SYT14: variants seen among roughly 807,000 people sequenced by gnomAD.
SYT14 encodes the protein synaptotagmin-14.
Under a neutral mutation model 74.2 loss-of-function variants are expected in SYT14, and 32 were observed. The ratio of observed to expected loss-of-function variants is 0.43; its 90% CI spans 0.33 to 0.58. SYT14 has a LOEUF of 0.58. Among genes scored for constraint, SYT14 ranks in the 20% least tolerant of loss-of-function variants. The pLI, the probability that SYT14 is intolerant of heterozygous loss-of-function variation, is 0.05. For missense variants in SYT14, 791 were observed against 981.8 expected (o/e 0.81, Z 2.60); for synonymous variants, 298 against 337.7 (o/e 0.88, Z 1.29).
rs987700917 is a variant in SYT14 at position 210,109,476 on chromosome 1, G to T, written c.2034+9015G>T. 2.0e-5 allele frequency among the ~76,000 whole-genome samples: 3 copies of T among 151,868 alleles called. No homozygotes were observed. The South Asian group carries it at 6.3e-4, about 32-fold the overall frequency. ...ACCTGTAGTCCCAGCTATTCGGGAC[G>T]CTGAGGCAGGGGAATCACTTGAACC... On this transcript the variant is annotated intron_variant, in intron 7 of 9. Transcript: ENST00000637265.
intron 2 of SYT14, among the ~76,000 whole-genome samples, chr1:209,993,022 C>T (rs1254638378): frequency 2.0e-5 from 3 of 152,190 alleles, no homozygotes; most frequent in Admixed American, 6.5e-5. Flanking sequence ...CCTAGTTACT[C>T]GTCTGCTGTG....
intron 2 of SYT14, among the ~76,000 whole-genome samples, chr1:209,990,393 G>A (rs999845751): frequency 6.6e-6 from 1 of 150,546 alleles, no homozygotes; most frequent in South Asian, 2.1e-4. Context: ...TCCTGAATAC[G>A]TTTCATCATG....
At chr1:210,119,218 A>T (rs1194651983) in intron 7 of SYT14, among the ~76,000 whole-genome samples, 2 of 152,184 alleles carry the variant, frequency 1.3e-5, no homozygotes, top group Non-Finnish European at 2.9e-5. Context: ...TGAGACAGTT[A>T]TTTTGAGGTG....
In SYT14 at chr1:210,053,028, A is replaced by G. The variant is rs191530041; in HGVS notation, c.1312+31774A>G. On this transcript the variant is annotated intron_variant, in intron 5 of 9. Transcript: ENST00000637265. ...CATGACTACAAATTTTCTTTCCTTT[A>G]TTTGTACATAAGGACAAAGCCCAGA... Among the ~76,000 whole-genome samples, 86 of 152,234 alleles carry G rather than the reference A, an allele frequency of 5.6e-4. 1 individual carries two copies. The highest frequency in any genetic ancestry group is 1.9e-3 in the African/African-American group (81 of 41,550).
intron 5 of SYT14, among the ~76,000 whole-genome samples, chr1:210,055,000 C>T (rs1376646651): frequency 6.6e-6 from 1 of 152,140 alleles, no homozygotes; most frequent in African/African-American, 2.4e-5. Flanking sequence ...GGCAAGCTTT[C>T]ATCTGCCTAC....
rs1323511160 is a variant in SYT14 at position 210,155,713 on chromosome 1, G to A, written c.2035-8G>A. 1.2e-6 allele frequency: 2 copies of A among 1,613,610 alleles called. No homozygotes were observed. Among genetic ancestry groups the A allele is most frequent in the East Asian group, 4.5e-5 (2 of 44,862 alleles). The stretch of plus-strand genomic sequence containing the variant: ...AAAATACTATAAAAATGTTATTATT[G>A]ATTACAGGGCTGTGACTCCCAAATG... On this transcript the variant is annotated splice_polypyrimidine_tract_variant and splice_region_variant and intron_variant, in intron 7 of 9. Coordinates refer to ENST00000637265, the Ensembl canonical transcript of SYT14.
chr1:209,981,235 T>C (rs979369595), intron 2 of SYT14, among the ~76,000 whole-genome samples: 3 of 152,172 alleles, frequency 2.0e-5, no homozygotes, highest in South Asian at 4.1e-4. Flanking sequence ...TACTTTATTA[T>C]GTTTTTGTGG....
intron 7 of SYT14, among the ~76,000 whole-genome samples, chr1:210,125,887 T>TA (rs1057064880): frequency 3.9e-5 from 6 of 152,138 alleles, no homozygotes; most frequent in African/African-American, 1.2e-4. Flanking sequence ...TAAGAATAAT[T>TA]ACATTAGTGG....
At chr1:210,132,447 G>A (rs984276304) in intron 7 of SYT14, among the ~76,000 whole-genome samples, 2 of 151,958 alleles carry the variant, frequency 1.3e-5, no homozygotes, top group African/African-American at 2.4e-5. Context: ...TGTTGTATAG[G>A]TAAACTTGTG....
intron 7 of SYT14, among the ~76,000 whole-genome samples, chr1:210,118,854 A>C (rs557813588): frequency 1.3e-5 from 2 of 152,104 alleles, no homozygotes; most frequent in Non-Finnish European, 2.9e-5. Context: ...CTTCAGGTCT[A>C]CCCTTTACAA....
intron 1 of SYT14, among the ~76,000 whole-genome samples, chr1:209,950,039 G>C (rs1194921250): frequency 6.6e-6 from 1 of 152,008 alleles, no homozygotes. Context: ...AGTTTTTATT[G>C]TTACTGTACA....
chr1:210,029,039 C>T (rs1471392554), intron 5 of SYT14, among the ~76,000 whole-genome samples: 1 of 152,148 alleles, frequency 6.6e-6, no homozygotes, highest in Admixed American at 6.5e-5. Flanking sequence ...CACTGAACAT[C>T]ATTTCATGTG....
chr1:209,952,906 A>C, intron 2 of SYT14, 150 bp downstream of exon 2: 1 of 1,060,476 alleles, frequency 9.4e-7, no homozygotes, highest in East Asian at 2.6e-5. Context: ...AAGCATTAGT[A>C]AAGTGCATAT....
chr1:210,012,076 T>C (rs2080095195), intron 2 of SYT14, among the ~76,000 whole-genome samples: 1 of 152,186 alleles, frequency 6.6e-6, no homozygotes, highest in South Asian at 2.1e-4. Context: ...TAAAAGAATT[T>C]CATTCAGTTT....
intron 5 of SYT14, among the ~76,000 whole-genome samples, chr1:210,064,317 G>A (rs2081259574): frequency 6.6e-6 from 1 of 151,746 alleles, no homozygotes; most frequent in African/African-American, 2.4e-5. Flanking sequence ...AAGTATGCAG[G>A]TCTTTGACAC....
At chr1:210,066,602 A>T (rs1174257470) in intron 5 of SYT14, among the ~76,000 whole-genome samples, 2 of 151,902 alleles carry the variant, frequency 1.3e-5, no homozygotes, top group Non-Finnish European at 2.9e-5. Flanking sequence ...AATTTGTTTG[A>T]GTTCATTGTA....
chr1:210,031,091 T>C (rs2080524433), intron 5 of SYT14, among the ~76,000 whole-genome samples: 1 of 143,854 alleles, frequency 7.0e-6, no homozygotes. Flanking sequence ...ATGCCTGTCT[T>C]TTTTTTTTTT....
At chr1:210,040,665 T>G (rs1050680819) in intron 5 of SYT14, among the ~76,000 whole-genome samples, 5 of 152,152 alleles carry the variant, frequency 3.3e-5, no homozygotes, top group African/African-American at 1.2e-4. Flanking sequence ...GTTTCTGAAC[T>G]TAGTAAGAAT....
intron 7 of SYT14, among the ~76,000 whole-genome samples, chr1:210,147,440 A>G (rs555167576): frequency 2.6e-5 from 4 of 152,326 alleles, no homozygotes; most frequent in African/African-American, 2.4e-5. Flanking sequence ...GTCCACACCC[A>G]TAAAAATTAC....
Sources: gnomAD v4.1 joint callset for allele counts (sites outside exome capture counted in the v4.1 genomes callset) on GRCh38, gnomAD v4.1.1 for gene constraint, MANE v1.5 for transcripts, NCBI Gene and HGNC (gene_info 2026-07-23, HGNC 2026-07-21) for gene names.